Variants in DIP2C observed in about 807,000 individuals in gnomAD.
The protein encoded by DIP2C is disco-interacting protein 2 homolog C.
A neutral mutation model predicts 192.4 loss-of-function variants in DIP2C; 33 were observed. The observed-to-expected ratio is 0.17, with a 90% CI of 0.13 to 0.23. DIP2C has a LOEUF of 0.23. Among genes scored for constraint, DIP2C ranks in the 10% least tolerant of loss-of-function variants. DIP2C has a pLI of 1.00. For synonymous variants in DIP2C, 979 were observed against 864.1 expected, an observed-to-expected ratio of 1.13 and a Z score of -2.33; for missense variants, 1,537 against 2,110.1, an observed-to-expected ratio of 0.73 and a Z score of 5.32.
chr10:631,958 C>G (rs1046813684), intron 1 of DIP2C, among the ~76,000 whole-genome samples: 1 of 152,212 alleles, frequency 6.6e-6, no homozygotes, highest in East Asian at 1.9e-4. Flanking sequence ...TGCTGATAAA[C>G]TTCAAAACTT....
Position 689,361 on chromosome 10 carries a change from C to T in DIP2C, c.85+133G>A. On this transcript the variant is annotated intron_variant, in intron 1 of 36. Transcript: ENST00000280886. The surrounding 1 kb of genome is among the most constrained non-coding windows in gnomAD (Gnocchi z 6.1). The stretch of plus-strand genomic sequence containing the variant: ...GGTCTGGGGGTCCGGGGGACGCGCA[C>T]GCTCCGGGCTGGGGTCGCACCTCCC... 1 of 383,758 alleles carries T rather than the reference C, an allele frequency of 2.6e-6. No individual in the cohort carries two copies. The allele number at this position is 383,758 out of a possible 1,614,324, so 23.8% of individuals were successfully genotyped here. A position where few individuals can be genotyped will look rare whatever the true frequency, so the allele number is the denominator to read the frequency against.
intron 1 of DIP2C, among the ~76,000 whole-genome samples, chr10:621,109 C>A (rs964332460): frequency 5.3e-5 from 8 of 152,166 alleles, no homozygotes; most frequent in African/African-American, 1.7e-4. Context: ...GAGAGGGAGA[C>A]CCCGACCCAA....
At chr10:545,907 G>C (rs575608859) in intron 1 of DIP2C, among the ~76,000 whole-genome samples, 6 of 152,290 alleles carry the variant, frequency 3.9e-5, no homozygotes, top group African/African-American at 1.4e-4. Flanking sequence ...TGGACAATTT[G>C]TTGTCGGTTT....
intron 1 of DIP2C, among the ~76,000 whole-genome samples, chr10:626,482 G>A (rs965444083): frequency 3.3e-5 from 5 of 151,010 alleles, no homozygotes; most frequent in Admixed American, 1.3e-4. Context: ...CCCCGTCCCC[G>A]GGGTTACCCT....
At chr10:669,905 G>A (rs142093509) in intron 1 of DIP2C, among the ~76,000 whole-genome samples, 1 of 152,168 alleles carries the variant, frequency 6.6e-6, no homozygotes, top group Non-Finnish European at 1.5e-5. Context: ...CTTTGTTTTG[G>A]AATTTATTCA....
intron 1 of DIP2C, among the ~76,000 whole-genome samples, chr10:580,104 T>C (rs1347554251): frequency 6.6e-6 from 1 of 152,164 alleles, no homozygotes; most frequent in Non-Finnish European, 1.5e-5. Context: ...CATTTGTATG[T>C]ACATAGGTAT....
At chr10:284,477 G>C (rs1208422574) in intron 34 of DIP2C, among the ~76,000 whole-genome samples, 1 of 152,224 alleles carries the variant, frequency 6.6e-6, no homozygotes, top group Non-Finnish European at 1.5e-5. Context: ...AAGACGTTGT[G>C]CTGAGTGAGA....
intron 3 of DIP2C, among the ~76,000 whole-genome samples, chr10:469,980 T>C (rs1364487625): frequency 1.3e-5 from 2 of 152,046 alleles, no homozygotes; most frequent in East Asian, 1.9e-4. Context: ...CGTATTCTTA[T>C]GGAAGAAAGT....
chr10:513,626 G>GAAAGTA (rs386370428), intron 1 of DIP2C, among the ~76,000 whole-genome samples: 1 of 151,278 alleles, frequency 6.6e-6, no homozygotes, highest in Non-Finnish European at 1.5e-5. Flanking sequence ...CACCTTACCT[G>GAAAGTA]AAAGTCACTA....
At chr10:579,427 G>A (rs946378217) in intron 1 of DIP2C, among the ~76,000 whole-genome samples, 3 of 151,520 alleles carry the variant, frequency 2.0e-5, no homozygotes, top group Admixed American at 1.3e-4. Flanking sequence ...TATGTACATA[G>A]GTACACTATA....
At chr10:542,624 T>C (rs1387526480) in intron 1 of DIP2C, among the ~76,000 whole-genome samples, 3 of 152,244 alleles carry the variant, frequency 2.0e-5, no homozygotes, top group East Asian at 1.9e-4. Context: ...GTTCTAACCC[T>C]GCCCCTCTCT....
intron 1 of DIP2C, among the ~76,000 whole-genome samples, chr10:594,981 G>A (rs1036160831): frequency 2.0e-5 from 3 of 152,280 alleles, no homozygotes; most frequent in Admixed American, 2.0e-4. Context: ...CGCCCTCACC[G>A]CAGACCTGGT....
intron 31 of DIP2C, among the ~76,000 whole-genome samples, chr10:315,057 C>T (rs1388182236): frequency 1.3e-5 from 2 of 152,156 alleles, no homozygotes; most frequent in Admixed American, 6.5e-5. Flanking sequence ...TGGTATTTCA[C>T]TTTACCCTCT....
At chr10:579,832 A>G (rs1850478280) in intron 1 of DIP2C, among the ~76,000 whole-genome samples, 1 of 152,080 alleles carries the variant, frequency 6.6e-6, no homozygotes, top group Non-Finnish European at 1.5e-5. Flanking sequence ...CATGCATAGC[A>G]TGTACACACA....
At chr10:321,178 CTG>C (rs1319347840) in intron 31 of DIP2C, among the ~76,000 whole-genome samples, 1 of 152,188 alleles carries the variant, frequency 6.6e-6, no homozygotes, top group Non-Finnish European at 1.5e-5. Flanking sequence ...GTAATGTTTC[CTG>C]TGTCAGGTAT....
chr10:663,924 G>C (rs1468732557), intron 1 of DIP2C: 1 of 152,178 alleles, frequency 6.6e-6, no homozygotes, highest in Admixed American at 6.5e-5. Context: ...AAGGGCTCCG[G>C]GAGGCCACAC....
intron 1 of DIP2C, among the ~76,000 whole-genome samples, chr10:675,422 G>T (rs1830838300): frequency 6.6e-6 from 1 of 150,690 alleles, no homozygotes; most frequent in South Asian, 2.1e-4. Flanking sequence ...TAGGAGAAAA[G>T]AAATAACAAA....
chr10:467,299 CAT>C (rs1051388358), intron 3 of DIP2C, among the ~76,000 whole-genome samples: 2 of 149,044 alleles, frequency 1.3e-5, no homozygotes, highest in Non-Finnish European at 3.0e-5. Flanking sequence ...CCAAACACCA[CAT>C]ATTCTCACTC....
intron 2 of DIP2C, chr10:484,770 G>C (rs746403063): frequency 1.2e-6 from 2 of 1,609,446 alleles, no homozygotes; most frequent in Admixed American, 3.3e-5. Flanking sequence ...TCTCAGCAAA[G>C]CAGCGCTCAC....
Sources: gnomAD v4.1 joint callset for allele counts (sites outside exome capture counted in the v4.1 genomes callset) on GRCh38, gnomAD v4.1.1 for gene constraint, Gnocchi (gnomAD v3.1) non-coding constraint, MANE v1.5 for transcripts, NCBI Gene and HGNC (gene_info 2026-07-23, HGNC 2026-07-21) for gene names.